MEDAG: variants seen among roughly 807,000 people sequenced by gnomAD.
MEDAG encodes the protein mesenteric estrogen-dependent adipogenesis protein.
A neutral mutation model predicts 29.9 loss-of-function variants in MEDAG; 25 were observed. The observed-to-expected ratio is 0.84, with a 90% CI of 0.61 to 1.17. The LOEUF (loss-of-function observed/expected upper bound fraction) is 1.17. Ranked by LOEUF, MEDAG falls within the 50% of genes most tolerant of loss-of-function variation. MEDAG has a pLI of 0.00. For missense variants in MEDAG, 398 were observed against 372.9 expected (o/e 1.07, Z -0.56); for synonymous variants, 158 against 148.2 (o/e 1.07, Z -0.48).
chr13:30,914,276 G>C (rs1022481902), intron 1 of MEDAG, among the ~76,000 whole-genome samples: 1 of 152,216 alleles, frequency 6.6e-6, no homozygotes, highest in Non-Finnish European at 1.5e-5. Context: ...GGAGGCTGGG[G>C]ATGGAGGAAT....
At position 30,906,442 on chromosome 13, in the gene MEDAG, G is replaced by A; in HGVS notation, c.-74G>A. 1 of 1,379,088 alleles carries A rather than the reference G, an allele frequency of 7.3e-7. No homozygotes were observed. Among genetic ancestry groups the A allele is most frequent in the Non-Finnish European group, 9.4e-7 (1 of 1,067,592 alleles). The allele number at this position is 1,379,088 out of a possible 1,614,324, so 85.4% of individuals were successfully genotyped here. On this transcript the variant is annotated 5_prime_UTR_variant, in exon 1 of 5. Transcript: ENST00000380482. ...CAGGCAGGGCGCCCGGCCCCTCCTG[G>A]GGACCATCAGGTGCCGGCTGGGGGC...
intron 1 of MEDAG, among the ~76,000 whole-genome samples, chr13:30,915,632 C>T (rs557824256): frequency 2.6e-5 from 4 of 152,244 alleles, no homozygotes; most frequent in Non-Finnish European, 4.4e-5. Flanking sequence ...AATTCTCTCC[C>T]AGCTGATGTG....
chr13:30,919,228 G>A (rs752325221), intron 2 of MEDAG, among the ~76,000 whole-genome samples: 1 of 152,108 alleles, frequency 6.6e-6, no homozygotes, highest in Non-Finnish European at 1.5e-5. Flanking sequence ...AGCTTAAGAT[G>A]GTCAATTTTA....
chr13:30,913,754 T>A (rs149385227), intron 1 of MEDAG, among the ~76,000 whole-genome samples: 1,869 of 152,256 alleles, frequency 0.012, 13 homozygotes, highest in Non-Finnish European at 0.017. Flanking sequence ...ATATCTATGA[T>A]TAAAGGCCGG....
chr13:30,920,959 C>T, intron 2 of MEDAG, 55 bp from the exon 3 acceptor site: 2 of 1,418,422 alleles, frequency 1.4e-6, no homozygotes, highest in Non-Finnish European at 2.0e-6. Context: ...TTATAAGAAG[C>T]ATGCTTATGT....
chr13:30,914,680 G>A (rs1441969310), intron 1 of MEDAG, among the ~76,000 whole-genome samples: 1 of 152,166 alleles, frequency 6.6e-6, no homozygotes, highest in African/African-American at 2.4e-5. Flanking sequence ...ATTGAAAAAA[G>A]CCTTCCACCA....
chr13:30,924,203 T>G, intron 4 of MEDAG, 108 bp from the exon 5 acceptor site: 1 of 1,174,290 alleles, frequency 8.5e-7, no homozygotes, highest in Non-Finnish European at 1.2e-6. Context: ...AAGCCAGGAT[T>G]CTCTATTAAT....
Position 30,924,549 on chromosome 13 carries a change from G to T in MEDAG, c.*114G>T. The T allele has an allele frequency of 2.7e-6, 3 of 1,120,460 alleles. No homozygotes were observed. Among genetic ancestry groups the T allele is most frequent in the South Asian group, 1.6e-5 (1 of 60,806 alleles). The allele number at this position is 1,120,460 out of a possible 1,614,324, so 69.4% of individuals were successfully genotyped here. ...ACTTCCACCTGCGTGTCAATCTCCG[G>T]CTCCTCCATGGCTTCTATGGAGGAC... On this transcript the variant is annotated 3_prime_UTR_variant, in exon 5 of 5. Coordinates refer to ENST00000380482, the MANE Select transcript of MEDAG (RefSeq NM_032849.4).
At chr13:30,906,917 G>C (rs1952836873) in intron 1 of MEDAG, 124 bp downstream of exon 1, 2 of 1,016,894 alleles carry the variant, frequency 2.0e-6, no homozygotes, top group South Asian at 2.0e-5. Flanking sequence ...CCCTTGCTCC[G>C]TGCGCTTCTA....
At chr13:30,918,737 C>T (rs1238325664) in intron 2 of MEDAG, among the ~76,000 whole-genome samples, 1 of 152,170 alleles carries the variant, frequency 6.6e-6, no homozygotes. Context: ...TAGATTTCCC[C>T]AAACATTCAC....
intron 1 of MEDAG, among the ~76,000 whole-genome samples, chr13:30,907,958 G>T (rs1952845840): frequency 6.6e-6 from 1 of 152,236 alleles, no homozygotes; most frequent in Admixed American, 6.5e-5. Flanking sequence ...TTAGTGAAAT[G>T]AAAATTCCAA....
intron 3 of MEDAG, 39 bp downstream of exon 3, chr13:30,921,165 A>C: frequency 6.5e-7 from 1 of 1,534,954 alleles, no homozygotes; most frequent in Non-Finnish European, 9.0e-7. Context: ...TGTCAACCAC[A>C]TGGAAGGAGC....
At chr13:30,911,422 GC>G (rs1370090511) in intron 1 of MEDAG, among the ~76,000 whole-genome samples, 1 of 151,966 alleles carries the variant, frequency 6.6e-6, no homozygotes, top group East Asian at 1.9e-4. Context: ...TCTACTCTCA[GC>G]CCCCCTGGTC....
At chr13:30,920,094 A>C (rs1167448329) in intron 2 of MEDAG, among the ~76,000 whole-genome samples, 3 of 152,122 alleles carry the variant, frequency 2.0e-5, no homozygotes, top group African/African-American at 7.2e-5. Context: ...CAGGGAGAAG[A>C]ATCAACCTCT....
chr13:30,916,205 G>A (rs1415362386), intron 1 of MEDAG: 1 of 152,276 alleles, frequency 6.6e-6, no homozygotes, highest in Non-Finnish European at 1.5e-5. Context: ...TCTCTCGCAT[G>A]CTCTTGACAC....
At chr13:30,910,798 G>A (rs894828214) in intron 1 of MEDAG, among the ~76,000 whole-genome samples, 14 of 152,214 alleles carry the variant, frequency 9.2e-5, no homozygotes, top group Non-Finnish European at 1.6e-4. Context: ...GAGGACAGTA[G>A]GGCTGGAACA....
chr13:30,910,937 T>A (rs1952876515), intron 1 of MEDAG, among the ~76,000 whole-genome samples: 1 of 152,304 alleles, frequency 6.6e-6, no homozygotes, highest in East Asian at 1.9e-4. Flanking sequence ...GAAGATGTGG[T>A]CTTAGATGTA....
chr13:30,921,801 C>A lies in MEDAG; in HGVS notation c.742C>A (p.Arg248=). The change falls in exon 4 of 5, where the codon CGA becomes AGA. Residue 248 remains arginine (R), a synonymous_variant. Coordinates refer to ENST00000380482, the MANE Select transcript of MEDAG (RefSeq NM_032849.4). ...FLEKMSEPLI[R]RSSFSDRKFS... is the part of the protein sequence containing the mutation. ...GGAAAAAATGAGTGAGCCTTTAATC[C>A]GAAGGAGCAGTTTCTCTGACCGAAA... 6.2e-7 allele frequency: 1 copy of A among 1,611,840 alleles called. No homozygotes were observed. The highest frequency in any genetic ancestry group is 8.5e-7 in the Non-Finnish European group (1 of 1,179,404).
intron 1 of MEDAG, among the ~76,000 whole-genome samples, chr13:30,912,753 A>T (rs1952893628): frequency 6.6e-6 from 1 of 152,178 alleles, no homozygotes; most frequent in Non-Finnish European, 1.5e-5. Context: ...TTAGCCTCCT[A>T]AACTGAAAAA....
Sources: gnomAD v4.1 joint callset for allele counts (sites outside exome capture counted in the v4.1 genomes callset) on GRCh38, gnomAD v4.1.1 for gene constraint, MANE v1.5 for transcripts, NCBI Gene and HGNC (gene_info 2026-07-23, HGNC 2026-07-21) for gene names.